RORB: variants seen among roughly 807,000 people sequenced by gnomAD.
RORB encodes the protein RAR related orphan receptor B, also known as nuclear receptor ROR-beta.
Under a neutral mutation model 59.1 loss-of-function variants are expected in RORB, and 6 were observed. That is an observed-to-expected ratio of 0.10 (90% CI 0.06 to 0.20). The LOEUF (loss-of-function observed/expected upper bound fraction) is 0.20, where lower values mean the gene tolerates loss of function less well. Among genes scored for constraint, RORB ranks in the 10% least tolerant of loss-of-function variants. The pLI, the probability that RORB is intolerant of heterozygous loss-of-function variation, is 1.00. For missense variants in RORB, 320 were observed against 560.5 expected (o/e 0.57, Z 4.33); for synonymous variants, 215 against 204.5 (o/e 1.05, Z -0.44).
chr9:74,577,442 C>T (rs1395012672), intron 1 of RORB, among the ~76,000 whole-genome samples: 1 of 152,070 alleles, frequency 6.6e-6, no homozygotes, highest in Non-Finnish European at 1.5e-5. Context: ...CTCTAGGGAG[C>T]ACTGTCAGGC....
intron 1 of RORB, among the ~76,000 whole-genome samples, chr9:74,561,706 G>C (rs1049039307): frequency 1.3e-5 from 2 of 152,114 alleles, no homozygotes; most frequent in Non-Finnish European, 2.9e-5. Flanking sequence ...AGAATACTGT[G>C]ATCAAAACCA....
intron 1 of RORB, among the ~76,000 whole-genome samples, chr9:74,622,371 GAAAT>G (rs1587389857): frequency 6.6e-6 from 1 of 152,072 alleles, no homozygotes; most frequent in Non-Finnish European, 1.5e-5. Flanking sequence ...TAGAGAGCGA[GAAAT>G]AAATAAAGTT....
intron 1 of RORB, among the ~76,000 whole-genome samples, chr9:74,597,347 G>A (rs1822983120): frequency 6.6e-6 from 1 of 152,180 alleles, no homozygotes; most frequent in Non-Finnish European, 1.5e-5. Context: ...CTCTATAACT[G>A]AAAAGGAACA....
At chr9:74,560,121 C>T (rs1193549965) in intron 1 of RORB, among the ~76,000 whole-genome samples, 5 of 152,154 alleles carry the variant, frequency 3.3e-5, no homozygotes, top group Non-Finnish European at 7.4e-5. Flanking sequence ...TTTCTATTCA[C>T]TATTCTTCAG....
rs1824727587 is a variant in RORB, at chr9:74,690,719, T to C, written c.*5101T>C. On this transcript the variant is annotated 3_prime_UTR_variant, in exon 10 of 10. Transcript: ENST00000376896. ...CCCCTTCTAATACTCAATTTTGTTT[T>C]GGTATTTGATTGTCACAACTAGAGG... is the stretch of plus-strand genomic sequence containing the variant. 1.3e-5 allele frequency: 2 copies of C among 152,182 alleles called. No homozygotes were observed. The highest frequency in any genetic ancestry group is 4.8e-5 in the African/African-American group (2 of 41,452). The allele number at this position is 152,182 out of a possible 1,614,324, so 9.4% of individuals were successfully genotyped here.
rs191075222 is a variant in RORB, at chr9:74,564,464, T to C, written c.8-65818T>C. Among the ~76,000 whole-genome samples, 15 of 152,320 alleles carry C rather than the reference T, an allele frequency of 9.8e-5. No individual in the cohort carries two copies. In the East Asian group the frequency reaches 2.9e-3, roughly 29 times the overall value. ...CTTCTTGCATCTACTTCCTTGTGAG[T>C]TATGTAACCTGCAAATTACTGTAAC... On this transcript the variant is annotated intron_variant, in intron 1 of 9. Transcript: ENST00000376896.
chr9:74,633,454 T>C (rs748203889), intron 2 of RORB, among the ~76,000 whole-genome samples: 12 of 152,192 alleles, frequency 7.9e-5, no homozygotes, highest in Non-Finnish European at 1.8e-4. Context: ...GATGATGCTA[T>C]GGGATATCTC....
chr9:74,662,353 A>G (rs1824201555), intron 5 of RORB, 121 bp from the exon 6 acceptor site: 2 of 919,272 alleles, frequency 2.2e-6, no homozygotes. Flanking sequence ...TAAAGGAATC[A>G]TATAAATTCC....
chr9:74,592,179 A>G (rs1054086615), intron 1 of RORB, among the ~76,000 whole-genome samples: 2 of 152,198 alleles, frequency 1.3e-5, no homozygotes, highest in South Asian at 2.1e-4. Context: ...AAAATAAACA[A>G]TGGGAATGCA....
At chr9:74,620,448 T>A (rs768883831) in intron 1 of RORB, among the ~76,000 whole-genome samples, 35 of 152,012 alleles carry the variant, frequency 2.3e-4, no homozygotes, top group Non-Finnish European at 4.7e-4. Context: ...TCTTTATTAG[T>A]CTTGCTAGCA....
intron 1 of RORB, among the ~76,000 whole-genome samples, chr9:74,615,848 T>C (rs1823304710): frequency 6.6e-6 from 1 of 152,188 alleles, no homozygotes; most frequent in Non-Finnish European, 1.5e-5. Context: ...ATATAAATAC[T>C]GTCATATCCT....
At chr9:74,661,286 T>G (rs1271881295) in intron 5 of RORB, among the ~76,000 whole-genome samples, 1 of 152,220 alleles carries the variant, frequency 6.6e-6, no homozygotes, top group African/African-American at 2.4e-5. Context: ...AATTTATTGT[T>G]GTTTTTCAGT....
At chr9:74,549,429 G>A (rs1242534145) in intron 1 of RORB, among the ~76,000 whole-genome samples, 1 of 111,526 alleles carries the variant, frequency 9.0e-6, no homozygotes, top group African/African-American at 3.8e-5. Context: ...GGGCAACAGA[G>A]CAAAATTCCG....
chr9:74,562,031 C>CTT (rs1822403196), intron 1 of RORB, among the ~76,000 whole-genome samples: 3 of 152,136 alleles, frequency 2.0e-5, no homozygotes, highest in Admixed American at 2.0e-4. Context: ...CATTGTATCC[C>CTT]TTTCAGTGTG....
At chr9:74,520,164 G>A (rs1055886568) in intron 1 of RORB, among the ~76,000 whole-genome samples, 10 of 151,894 alleles carry the variant, frequency 6.6e-5, no homozygotes, top group African/African-American at 2.4e-4. Flanking sequence ...AAAAATCAGC[G>A]GCTTAACCAG....
In RORB at chr9:74,523,876, A is replaced by T. The variant is rs1261776683; in HGVS notation, c.7+25893A>T. 2.6e-5 allele frequency among the ~76,000 whole-genome samples: 4 copies of T among 152,012 alleles called. No homozygotes were observed. In the East Asian group the frequency reaches 7.8e-4, roughly 30 times the overall value. ...TATGCACCTAAGGCTGTTTGGGTTC[A>T]TAGTCAGTCTTTAATTCCTGAGCTG... On this transcript the variant is annotated intron_variant, in intron 1 of 9. Coordinates refer to ENST00000376896, the MANE Select transcript of RORB (RefSeq NM_006914.4).
At chr9:74,609,652 C>G (rs1465751257) in intron 1 of RORB, among the ~76,000 whole-genome samples, 8 of 152,196 alleles carry the variant, frequency 5.3e-5, no homozygotes, top group African/African-American at 4.8e-5. Flanking sequence ...ATTTCTCAAA[C>G]AGCAAAACTG....
intron 4 of RORB, among the ~76,000 whole-genome samples, chr9:74,648,518 G>A (rs1300883420): frequency 6.6e-6 from 1 of 152,142 alleles, no homozygotes; most frequent in Non-Finnish European, 1.5e-5. Flanking sequence ...AAGAGAGGAG[G>A]GGACTTGGAA....
chr9:74,613,902 A>T (rs1379628555), intron 1 of RORB, among the ~76,000 whole-genome samples: 1 of 152,154 alleles, frequency 6.6e-6, no homozygotes, highest in Non-Finnish European at 1.5e-5. Flanking sequence ...TTTAAAGGTC[A>T]TGATTTTATT....
Sources: allele counts gnomAD v4.1 joint callset (sites outside exome capture counted in the v4.1 genomes callset), GRCh38; gene constraint gnomAD v4.1.1; transcripts MANE v1.5; gene names NCBI Gene and HGNC (gene_info 2026-07-23, HGNC 2026-07-21).